RBFOX1: variants seen among roughly 807,000 people sequenced by gnomAD.
RBFOX1 encodes RNA binding fox-1 homolog 1.
A neutral mutation model predicts 57.7 loss-of-function variants in RBFOX1; 8 were observed. The ratio of observed to expected loss-of-function variants is 0.14; its 90% CI spans 0.08 to 0.25. The LOEUF (loss-of-function observed/expected upper bound fraction) is 0.25, where lower values mean the gene tolerates loss of function less well. RBFOX1 is among the 10% of genes least tolerant of loss of function. The pLI is 1.00. For missense variants in RBFOX1, 611 were observed against 548.5 expected, an observed-to-expected ratio of 1.11 and a Z score of -1.14; for synonymous variants, 326 against 222.4, an observed-to-expected ratio of 1.47 and a Z score of -4.15.
chr16:5,955,282 C>T (rs1356438819), intron 4 of RBFOX1, among the ~76,000 whole-genome samples: 1 of 127,810 alleles, frequency 7.8e-6, no homozygotes, highest in Non-Finnish European at 1.6e-5. Flanking sequence ...ACTCTGTCTC[C>T]CAATAAAATA....
At chr16:6,628,225 G>A (rs960181375) in intron 2 of RBFOX1, among the ~76,000 whole-genome samples, 7 of 152,198 alleles carry the variant, frequency 4.6e-5, no homozygotes, top group Admixed American at 3.3e-4. Flanking sequence ...AGCATCTTAG[G>A]AATGTGTACT....
intron 4 of RBFOX1, among the ~76,000 whole-genome samples, chr16:7,122,975 C>A (rs1328970587): frequency 6.6e-6 from 1 of 152,014 alleles, no homozygotes; most frequent in South Asian, 2.1e-4. Context: ...TAAATCCATT[C>A]CTATGACATC....
rs1491165202 is a variant in RBFOX1, at chr16:7,682,996, ATGTG to A, written c.995+6170_995+6173del. 1.4e-4 allele frequency among the ~76,000 whole-genome samples: 4 copies of A among 27,664 alleles called. 1 individual carries two copies. The East Asian group carries it at 2.5e-3, about 17-fold the overall frequency. 18.1% of individuals were successfully genotyped at this position (27,664 alleles called of 152,430 possible). A position where few individuals can be genotyped will look rare whatever the true frequency, so the allele number is the denominator to read the frequency against. ...GCCAGATAAATTTCTTAATACTTCT[ATGTG>A]TGTGTGTGTGTATATATATATATAT... is the stretch of plus-strand genomic sequence containing the variant. On this transcript the variant is annotated intron_variant, in intron 14 of 15. Transcript: ENST00000550418.
intron 1 of RBFOX1, among the ~76,000 whole-genome samples, chr16:6,062,258 A>G (rs1339092218): frequency 2.7e-5 from 4 of 150,748 alleles, no homozygotes; most frequent in African/African-American, 9.9e-5. Flanking sequence ...GATTGATTCC[A>G]TCATTGGCCA....
At chr16:5,496,809 A>T (rs2043017070) in intron 2 of RBFOX1, among the ~76,000 whole-genome samples, 1 of 152,210 alleles carries the variant, frequency 6.6e-6, no homozygotes. Flanking sequence ...ATCATTTCCA[A>T]TTAAAAAGTG....
intron 2 of RBFOX1, among the ~76,000 whole-genome samples, chr16:6,575,832 G>T (rs12444806): frequency 1.3e-5 from 2 of 150,628 alleles, no homozygotes; most frequent in South Asian, 2.1e-4. Flanking sequence ...ACTCTAGTCT[G>T]GGTGACAGAG....
chr16:6,801,772 T>C (rs544663697), intron 3 of RBFOX1, among the ~76,000 whole-genome samples: 1 of 152,080 alleles, frequency 6.6e-6, no homozygotes, highest in South Asian at 2.1e-4. Context: ...GTCTGGAAAA[T>C]ATTGCCAGAC....
At chr16:7,069,680 C>G (rs1447824297) in intron 4 of RBFOX1, among the ~76,000 whole-genome samples, 1 of 152,050 alleles carries the variant, frequency 6.6e-6, no homozygotes, top group Admixed American at 6.6e-5. Flanking sequence ...TGGATCGTGC[C>G]CCAGCTTCCT....
intron 2 of RBFOX1, among the ~76,000 whole-genome samples, chr16:5,484,835 C>A (rs1465249638): frequency 2.0e-5 from 3 of 151,318 alleles, no homozygotes; most frequent in Non-Finnish European, 4.4e-5. Flanking sequence ...TCACTTGAAC[C>A]AGGGAGCCAG....
chr16:6,492,867 A>G (rs2095664947), intron 2 of RBFOX1, among the ~76,000 whole-genome samples: 1 of 152,222 alleles, frequency 6.6e-6, no homozygotes, highest in African/African-American at 2.4e-5. Flanking sequence ...GTTAGAAAGC[A>G]AACATACACA....
chr16:7,568,660 T>C (rs11639781), intron 5 of RBFOX1, among the ~76,000 whole-genome samples: 84,671 of 151,390 alleles, frequency 0.56, 23,809 homozygotes, highest in East Asian at 0.67. Flanking sequence ...CCGAGGCAGG[T>C]GGATCATGAG....
At chr16:7,582,172 C>A (rs1160108933) in intron 6 of RBFOX1, among the ~76,000 whole-genome samples, 1 of 152,078 alleles carries the variant, frequency 6.6e-6, no homozygotes, top group Non-Finnish European at 1.5e-5. Context: ...GGACTACATG[C>A]ATTCACCACT....
At chr16:6,055,839 A>T (rs1020312289) in intron 1 of RBFOX1, among the ~76,000 whole-genome samples, 19 of 152,208 alleles carry the variant, frequency 1.2e-4, no homozygotes, top group South Asian at 6.2e-4. Context: ...ACAGAAAAGT[A>T]CAAGGATGCA....
chr16:7,335,765 C>T lies in RBFOX1; in HGVS notation c.28-182382C>T, dbSNP rs142372991. 2.6e-5 allele frequency among the ~76,000 whole-genome samples: 4 copies of T among 152,212 alleles called. No individual in the cohort carries two copies. In the East Asian group the frequency reaches 7.7e-4, roughly 29 times the overall value. ...GCAATAATTGATAGTTATCATCTGC[C>T]CTACCCTTCCTCCTTTAGGAAAATC... On this transcript the variant is annotated intron_variant, in intron 4 of 15. Coordinates refer to ENST00000550418, the MANE Select transcript of RBFOX1 (RefSeq NM_018723.4).
intron 1 of RBFOX1, chr16:5,366,586 T>A: frequency 2.6e-6 from 1 of 386,468 alleles, no homozygotes; most frequent in Non-Finnish European, 5.0e-6. Context: ...AGGTGATTCT[T>A]TTCCCAGAGA....
intron 4 of RBFOX1, among the ~76,000 whole-genome samples, chr16:7,385,872 G>T (rs141720170): frequency 5.3e-5 from 8 of 152,044 alleles, no homozygotes; most frequent in Non-Finnish European, 1.2e-4. Context: ...TTCTGCTTCA[G>T]CCTCTGAGTA....
At chr16:5,437,618 G>C (rs715296) in intron 1 of RBFOX1, among the ~76,000 whole-genome samples, 69,009 of 152,018 alleles carry the variant, frequency 0.45, 16,609 homozygotes, top group East Asian at 0.62. Flanking sequence ...TGCCAAAAGA[G>C]TGGTATTAAG....
At chr16:7,323,812 A>G (rs1463544496) in intron 4 of RBFOX1, among the ~76,000 whole-genome samples, 1 of 152,228 alleles carries the variant, frequency 6.6e-6, no homozygotes, top group Non-Finnish European at 1.5e-5. Flanking sequence ...GGAGGAAGGA[A>G]TGAAGAAGAG....
chr16:6,783,922 C>G (rs6500830), intron 3 of RBFOX1, among the ~76,000 whole-genome samples: 19,399 of 152,018 alleles, frequency 0.13, 1,501 homozygotes, highest in Admixed American at 0.23. Flanking sequence ...AATGTTCTAG[C>G]TTTGAAAGTC....
Sources: allele counts gnomAD v4.1 joint callset (sites outside exome capture counted in the v4.1 genomes callset), GRCh38; gene constraint gnomAD v4.1.1; transcripts MANE v1.5; gene names NCBI Gene and HGNC (gene_info 2026-07-23, HGNC 2026-07-21).